The following GPAT4 variants were observed in gnomAD, a reference collection of about 807,000 sequenced individuals.
GPAT4 encodes the protein 1-AGP acyltransferase 6.
A neutral mutation model predicts 58.0 loss-of-function variants in GPAT4; 17 were observed. That is an observed-to-expected ratio of 0.29 (90% CI 0.20 to 0.44). The LOEUF is 0.44. GPAT4 is among the 20% of genes least tolerant of loss of function. GPAT4 has a pLI of 1.00. For missense variants in GPAT4, 377 were observed against 574.5 expected (o/e 0.66, Z 3.51); for synonymous variants, 204 against 210.1 (o/e 0.97, Z 0.25).
At chr8:41,610,084 G>C (rs149673629) in intron 4 of GPAT4, 129 bp downstream of exon 4, 1 of 1,481,370 alleles carries the variant, frequency 6.8e-7, no homozygotes, top group Non-Finnish European at 8.9e-7. Context: ...GCCAGGCCAC[G>C]TGACTCTTTG....
intron 1 of GPAT4, among the ~76,000 whole-genome samples, chr8:41,595,463 C>A (rs1802905323): frequency 6.7e-6 from 1 of 149,568 alleles, no homozygotes; most frequent in South Asian, 2.1e-4. Flanking sequence ...AGATTGAATG[C>A]TTTTGGGCCA....
chr8:41,593,245 A>G (rs1460155777), intron 1 of GPAT4, among the ~76,000 whole-genome samples: 1 of 152,190 alleles, frequency 6.6e-6, no homozygotes, highest in African/African-American at 2.4e-5. Context: ...AACTGTGGAC[A>G]TGGGAGGCTC....
At chr8:41,583,750 G>A (rs1026620331) in intron 1 of GPAT4, among the ~76,000 whole-genome samples, 3 of 152,152 alleles carry the variant, frequency 2.0e-5, no homozygotes, top group African/African-American at 7.2e-5. Context: ...GCTTAGTAAT[G>A]TTCAGGTCTG....
rs1246603815 is a variant in GPAT4 at position 41,623,872 on chromosome 8, T to C, written c.*2871T>C. ...TTTTTTTAAACACGGAGTTTCACTC[T>C]TGTTGCCCATGCTGGAGTGCAATGG... On this transcript the variant is annotated 3_prime_UTR_variant, in exon 13 of 13. Coordinates refer to ENST00000396987, the MANE Select transcript of GPAT4 (RefSeq NM_178819.4). 1.3e-5 allele frequency: 2 copies of C among 152,310 alleles called. No homozygotes were observed. Among genetic ancestry groups the C allele is most frequent in the East Asian group, 1.9e-4 (1 of 5,186 alleles). The allele number at this position is 152,310 out of a possible 1,614,324, so 9.4% of individuals were successfully genotyped here.
chr8:41,601,023 A>T (rs1803078477), intron 2 of GPAT4, among the ~76,000 whole-genome samples: 1 of 152,072 alleles, frequency 6.6e-6, no homozygotes, highest in African/African-American at 2.4e-5. Context: ...ATTGATGGAC[A>T]AGGATGGGCT....
At chr8:41,614,754 G>A (rs900995456) in intron 9 of GPAT4, among the ~76,000 whole-genome samples, 2 of 152,202 alleles carry the variant, frequency 1.3e-5, no homozygotes, top group Non-Finnish European at 2.9e-5. Flanking sequence ...GTATGAATCA[G>A]GGAAAGTGGT....
chr8:41,592,309 G>A (rs1370205056), intron 1 of GPAT4, among the ~76,000 whole-genome samples: 2 of 152,300 alleles, frequency 1.3e-5, no homozygotes, highest in Admixed American at 6.5e-5. Flanking sequence ...TGGGACTCCA[G>A]GTGGGTCCAT....
At chr8:41,597,167 C>A (rs560089936) in intron 1 of GPAT4, among the ~76,000 whole-genome samples, 11 of 152,250 alleles carry the variant, frequency 7.2e-5, no homozygotes, top group African/African-American at 2.2e-4. Flanking sequence ...GATTTTATTT[C>A]TTCTTTCTTT....
At chr8:41,611,787 G>A (rs994789255) in intron 5 of GPAT4, 116 bp from the exon 6 acceptor site, 30 of 853,108 alleles carry the variant, frequency 3.5e-5, no homozygotes, top group Non-Finnish European at 5.6e-5. Context: ...TGTAGGTGCT[G>A]ATGTCTATAC....
intron 1 of GPAT4, among the ~76,000 whole-genome samples, chr8:41,592,691 T>C (rs1802819951): frequency 6.6e-6 from 1 of 152,182 alleles, no homozygotes; most frequent in Non-Finnish European, 1.5e-5. Context: ...TTTCATGTTT[T>C]TCCTGGAATT....
In GPAT4 at chr8:41,611,884, C is replaced by G. The variant is rs1166724160; in HGVS notation, c.612-19C>G. 6.2e-7 allele frequency: 1 copy of G among 1,612,190 alleles called. No homozygotes were observed. Among genetic ancestry groups the G allele is most frequent in the Non-Finnish European group, 8.5e-7 (1 of 1,178,272 alleles). On this transcript the variant is annotated intron_variant, in intron 5 of 12. Coordinates refer to ENST00000396987, the MANE Select transcript of GPAT4 (RefSeq NM_178819.4). ...CTGTATGTAAAATAAAACCCAGAAT[C>G]CTTGTCCTGTTATTGCAGGTTTAAG...
In GPAT4 at chr8:41,600,933, C is replaced by T. The variant is rs553457792; in HGVS notation, c.165+1629C>T. On this transcript the variant is annotated intron_variant, in intron 2 of 12. Transcript: ENST00000396987. The stretch of plus-strand genomic sequence containing the variant: ...AGCATCGTAGCACGTGTCACTACTT[C>T]TCTTCTGCTTGTTTGTGGGTGAGGG... Among the ~76,000 whole-genome samples, 44 of 152,158 alleles carry T rather than the reference C, an allele frequency of 2.9e-4. 1 individual carries two copies. In the South Asian group the frequency reaches 8.9e-3, roughly 31 times the overall value.
At chr8:41,593,346 TC>T (rs1802843235) in intron 1 of GPAT4, among the ~76,000 whole-genome samples, 1 of 152,240 alleles carries the variant, frequency 6.6e-6, no homozygotes, top group African/African-American at 2.4e-5. Context: ...TTTTTAGAGT[TC>T]CAGCACATTT....
chr8:41,592,297 G>C (rs62509804), intron 1 of GPAT4, among the ~76,000 whole-genome samples: 2 of 152,242 alleles, frequency 1.3e-5, no homozygotes, highest in South Asian at 4.1e-4. Flanking sequence ...GTCCAGTCCC[G>C]GTGGGACTCC....
chr8:41,608,208 A>G (rs1012043330), intron 2 of GPAT4, among the ~76,000 whole-genome samples: 1 of 152,184 alleles, frequency 6.6e-6, no homozygotes, highest in African/African-American at 2.4e-5. Context: ...AGGTCAGATC[A>G]CTGATTAAAC....
In GPAT4 at chr8:41,610,828, G is replaced by T. The variant is rs1349187664; in HGVS notation, c.611+18G>T. On this transcript the variant is annotated intron_variant, in intron 5 of 12. Transcript: ENST00000396987. ...AATGGGAGGTGAGTAGAGTGTGGCA[G>T]TCCATGCCTGAAGGACAGTTAGTTC... 3 of 1,589,720 alleles carry T rather than the reference G, an allele frequency of 1.9e-6. No individual in the cohort carries two copies. The highest frequency in any genetic ancestry group is 2.2e-5 in the East Asian group (1 of 44,558).
chr8:41,617,034 C>T (rs1254057746), intron 10 of GPAT4, among the ~76,000 whole-genome samples: 2 of 152,130 alleles, frequency 1.3e-5, no homozygotes, highest in Non-Finnish European at 2.9e-5. Context: ...ACTCTGGTGA[C>T]ATCAGAATTT....
chr8:41,580,000 C>G (rs993786491), intron 1 of GPAT4, among the ~76,000 whole-genome samples: 4 of 152,114 alleles, frequency 2.6e-5, no homozygotes, highest in African/African-American at 9.7e-5. Flanking sequence ...GCCTCTGCCT[C>G]GAGGCTGCGG....
At chr8:41,607,575 A>ATC (rs1803316412) in intron 2 of GPAT4, among the ~76,000 whole-genome samples, 1 of 141,406 alleles carries the variant, frequency 7.1e-6, no homozygotes, top group South Asian at 2.2e-4. Flanking sequence ...GTCTTGCTGT[A>ATC]TCTCCCAGGC....
Sources: gnomAD v4.1 joint callset for allele counts (sites outside exome capture counted in the v4.1 genomes callset) on GRCh38, gnomAD v4.1.1 for gene constraint, MANE v1.5 for transcripts, NCBI Gene and HGNC (gene_info 2026-07-23, HGNC 2026-07-21) for gene names.